Variants in CREBBP observed in about 807,000 individuals in gnomAD.
The protein encoded by CREBBP is CREB-binding protein.
CREBBP carries 19 observed loss-of-function variants against 265.0 expected under a neutral mutation model. The ratio of observed to expected loss-of-function variants is 0.07; its 90% CI spans 0.05 to 0.11. The LOEUF is 0.11. Among genes scored for constraint, CREBBP ranks in the 10% least tolerant of loss-of-function variants. The pLI is 1.00. For synonymous variants in CREBBP, 1,457 were observed against 1,223.7 expected, an observed-to-expected ratio of 1.19 and a Z score of -3.98; for missense variants, 2,525 against 3,219.0, an observed-to-expected ratio of 0.78 and a Z score of 5.22.
intron 23 of CREBBP, chr16:3,740,789 T>A (rs1250677409): frequency 1.8e-6 from 1 of 570,630 alleles, no homozygotes; most frequent in Non-Finnish European, 3.1e-6. Context: ...GTAACCTGCA[T>A]CTTTTTCTAA....
At chr16:3,798,449 C>A (rs74343702) in intron 3 of CREBBP, among the ~76,000 whole-genome samples, 1 of 152,182 alleles carries the variant, frequency 6.6e-6, no homozygotes, top group Non-Finnish European at 1.5e-5. Context: ...GCATCTAGAA[C>A]ATATTTTAAA....
intron 2 of CREBBP, among the ~76,000 whole-genome samples, chr16:3,846,943 T>C (rs1236677565): frequency 6.6e-6 from 1 of 152,246 alleles, no homozygotes; most frequent in East Asian, 1.9e-4. Flanking sequence ...TTAAACCATG[T>C]GCATGTTTAC....
At chr16:3,831,110 C>G (rs374702889) in intron 2 of CREBBP, among the ~76,000 whole-genome samples, 2 of 152,078 alleles carry the variant, frequency 1.3e-5, no homozygotes, top group Admixed American at 6.6e-5. Context: ...GAATATTTGT[C>G]AAGAAAAACC....
At chr16:3,742,133 CAA>C (rs1207647368) in intron 23 of CREBBP, 3 of 151,596 alleles carry the variant, frequency 2.0e-5, no homozygotes, top group Non-Finnish European at 4.4e-5. Context: ...AAAAAACAAA[CAA>C]AAAAAACTCT....
At chr16:3,779,230 G>C (rs1194805237) in intron 8 of CREBBP, among the ~76,000 whole-genome samples, 1 of 151,172 alleles carries the variant, frequency 6.6e-6, no homozygotes, top group East Asian at 1.9e-4. Context: ...CTGGAGTACA[G>C]TGGCATGATC....
chr16:3,835,099 C>T (rs761099807), intron 2 of CREBBP, among the ~76,000 whole-genome samples: 1 of 152,108 alleles, frequency 6.6e-6, no homozygotes, highest in Non-Finnish European at 1.5e-5. Context: ...GTGGAGGTTG[C>T]AGTGAGCCGA....
intron 5 of CREBBP, among the ~76,000 whole-genome samples, chr16:3,790,613 G>A (rs2053485895): frequency 6.6e-6 from 1 of 152,250 alleles, no homozygotes; most frequent in African/African-American, 2.4e-5. Flanking sequence ...GCCTCCCAAA[G>A]TGTTGGGATT....
intron 5 of CREBBP, 35 bp from the exon 6 acceptor site, chr16:3,782,961 G>A (rs1044129230): frequency 1.2e-6 from 2 of 1,613,948 alleles, no homozygotes; most frequent in Admixed American, 1.7e-5. Flanking sequence ...ACAAAAACGA[G>A]AGGTAAGTAA....
At chr16:3,817,517 C>A (rs1405528747) in intron 2 of CREBBP, among the ~76,000 whole-genome samples, 1 of 151,936 alleles carries the variant, frequency 6.6e-6, no homozygotes, top group African/African-American at 2.4e-5. Flanking sequence ...GATCTAGTCT[C>A]GTAAAAAAGT....
At position 3,782,771 on chromosome 16, in the gene CREBBP, G is replaced by T; in HGVS notation, c.1486C>A (p.Pro496Thr). ...ACCTGAGGCTGCAGCTGCGTCTGGG[G>T]CTGGTTCATGTAGGGGAGTCCGAGA... Reference protein sequence around the residue: ...AALGLPYMNQPQTQLQPQVPG... With the variant: ...AALGLPYMNQTQTQLQPQVPG... Residue 496 changes from proline (P) to threonine (T), a missense_variant, in exon 6 of 31, where the codon CCC becomes ACC. Pro to Thr is a conservative substitution (Grantham distance 38). Around this residue, in one of 19 missense-constraint regions of CREBBP, gnomAD observed 144 missense variants for 134.0 expected, o/e 1.07. Coordinates refer to ENST00000262367, the MANE Select transcript of CREBBP (RefSeq NM_004380.3). The T allele has an allele frequency of 6.2e-7, 1 of 1,614,174 alleles. No homozygotes were observed. The highest frequency in any genetic ancestry group is 8.5e-7 in the Non-Finnish European group (1 of 1,180,046).
At chr16:3,863,485 C>A (rs1008910268) in intron 1 of CREBBP, among the ~76,000 whole-genome samples, 2 of 152,050 alleles carry the variant, frequency 1.3e-5, no homozygotes, top group African/African-American at 4.8e-5. Context: ...TGCCTGTAAT[C>A]CTAGCTACCT....
intron 20 of CREBBP, among the ~76,000 whole-genome samples, chr16:3,751,403 A>C (rs2052470258): frequency 1.3e-5 from 2 of 152,224 alleles, no homozygotes; most frequent in South Asian, 4.1e-4. Context: ...TAGCCTGGGC[A>C]ACATGGCGAG....
rs189929765 is a variant in CREBBP at position 3,745,014 on chromosome 16, A to C, written c.3915-53T>G. 10 of 1,331,272 alleles carry C rather than the reference A, an allele frequency of 7.5e-6. No individual in the cohort carries two copies. In the East Asian group the frequency reaches 2.3e-4, roughly 31 times the overall value. The allele number at this position is 1,331,272 out of a possible 1,614,324, so 82.5% of individuals were successfully genotyped here. ...CTGTATATAATGATGTAAATTGTCAAACCAACAAAATGCAGCATTCAGATA... is the reference window on the plus strand; with the variant it reads ...CTGTATATAATGATGTAAATTGTCACACCAACAAAATGCAGCATTCAGATA... On this transcript the variant is annotated intron_variant, in intron 22 of 30. Coordinates refer to ENST00000262367, the MANE Select transcript of CREBBP (RefSeq NM_004380.3).
At chr16:3,815,169 CA>C (rs1305740243) in intron 2 of CREBBP, among the ~76,000 whole-genome samples, 1 of 152,126 alleles carries the variant, frequency 6.6e-6, no homozygotes, top group Non-Finnish European at 1.5e-5. Flanking sequence ...GACCAATGCC[CA>C]AAATGAAATA....
chr16:3,844,579 C>T (rs1217102750), intron 2 of CREBBP, among the ~76,000 whole-genome samples: 1 of 152,142 alleles, frequency 6.6e-6, no homozygotes, highest in African/African-American at 2.4e-5. Context: ...ACACTAAATA[C>T]ACTTCCATTT....
At chr16:3,748,057 T>A (rs1260587706) in intron 21 of CREBBP, among the ~76,000 whole-genome samples, 1 of 152,098 alleles carries the variant, frequency 6.6e-6, no homozygotes, top group Admixed American at 6.5e-5. Flanking sequence ...GCCATTGCAC[T>A]CCAGCCTGGG....
intron 14 of CREBBP, 38 bp downstream of exon 14, chr16:3,770,532 A>G (rs939464147): frequency 1.3e-5 from 21 of 1,604,462 alleles, no homozygotes; most frequent in Non-Finnish European, 1.7e-5. Flanking sequence ...ATCTTCTAAG[A>G]GTCTTGGCCC....
In CREBBP at chr16:3,738,314, T is replaced by TAA. The variant is rs369510235; in HGVS notation, c.4394+243_4394+244dup. 2.6e-3 allele frequency among the ~76,000 whole-genome samples: 340 copies of TAA among 131,236 alleles called. 1 individual carries two copies. Among genetic ancestry groups the TAA allele is most frequent in the South Asian group, 0.021 (84 of 4,096 alleles). The allele number at this position is 131,236 out of a possible 152,430, so 86.1% of individuals were successfully genotyped here. A position where few individuals can be genotyped will look rare whatever the true frequency, so the allele number is the denominator to read the frequency against. On this transcript the variant is annotated intron_variant, in intron 26 of 30. Transcript: ENST00000262367. ...TATGTAAACTTTGCCTCAATAAAGT[T>TAA]AAAAAAAAAAAAAAAGGGAATGAAA... is the stretch of plus-strand genomic sequence containing the variant.
At chr16:3,865,404 G>A (rs2055157470) in intron 1 of CREBBP, among the ~76,000 whole-genome samples, 3 of 152,112 alleles carry the variant, frequency 2.0e-5, no homozygotes, top group Non-Finnish European at 2.9e-5. Flanking sequence ...GACAATAAAC[G>A]TATGCAGCTG....
Sources: gnomAD v4.1 joint callset for allele counts (sites outside exome capture counted in the v4.1 genomes callset) on GRCh38, gnomAD v4.1.1 for gene constraint, gnomAD v4.1.1 regional missense constraint, MANE v1.5 for transcripts, NCBI Gene and HGNC (gene_info 2026-07-23, HGNC 2026-07-21) for gene names.